PPM1L: variants seen among roughly 807,000 people sequenced by gnomAD.
PPM1L encodes the protein protein phosphatase, Mg2+/Mn2+ dependent 1L.
Under a neutral mutation model 31.4 loss-of-function variants are expected in PPM1L, and 13 were observed. That is an observed-to-expected ratio of 0.41 (90% CI 0.27 to 0.66). PPM1L has a LOEUF of 0.66. PPM1L is among the 30% of genes least tolerant of loss of function. The probability of loss-of-function intolerance (pLI) is 0.29; values close to 1 mark genes in which losing one functional copy is unlikely to be tolerated. For missense variants in PPM1L, 326 were observed against 453.7 expected (o/e 0.72, Z 2.56); for synonymous variants, 184 against 175.4 (o/e 1.05, Z -0.39).
At chr3:160,959,487 TA>T (rs1183690580) in intron 1 of PPM1L, among the ~76,000 whole-genome samples, 1 of 152,112 alleles carries the variant, frequency 6.6e-6, no homozygotes, top group Non-Finnish European at 1.5e-5. Flanking sequence ...AAGACAATTT[TA>T]AAAAATTACA....
At chr3:160,936,204 C>G (rs111333181) in intron 1 of PPM1L, among the ~76,000 whole-genome samples, 2 of 152,162 alleles carry the variant, frequency 1.3e-5, no homozygotes, top group African/African-American at 4.8e-5. Flanking sequence ...ATTCTCCTGC[C>G]TCAGCCTCCT....
chr3:160,785,070 G>A (rs1410794114), intron 1 of PPM1L, among the ~76,000 whole-genome samples: 1 of 152,122 alleles, frequency 6.6e-6, no homozygotes, highest in African/African-American at 2.4e-5. Context: ...TGGGGAGTGT[G>A]TTTAGTTTTA....
At chr3:160,943,184 C>T (rs1324901678) in intron 1 of PPM1L, among the ~76,000 whole-genome samples, 1 of 152,204 alleles carries the variant, frequency 6.6e-6, no homozygotes, top group Non-Finnish European at 1.5e-5. Context: ...GGGTAATGTG[C>T]TGTGGAAACC....
At chr3:160,888,438 C>T (rs1270795097) in intron 1 of PPM1L, among the ~76,000 whole-genome samples, 1 of 152,164 alleles carries the variant, frequency 6.6e-6, no homozygotes, top group Non-Finnish European at 1.5e-5. Context: ...TAAAGAAGGG[C>T]ATTACATAAT....
intron 2 of PPM1L, among the ~76,000 whole-genome samples, chr3:161,039,618 T>A (rs935635820): frequency 8.6e-5 from 13 of 151,866 alleles, no homozygotes; most frequent in Middle Eastern, 3.4e-3. Context: ...TGCCTCCCGG[T>A]TTCATGCCAT....
At chr3:160,757,393 CG>C (rs1714840973) in intron 1 of PPM1L, among the ~76,000 whole-genome samples, 1 of 152,264 alleles carries the variant, frequency 6.6e-6, no homozygotes, top group East Asian at 1.9e-4. Context: ...GCAAAGGAGG[CG>C]GTGCTTTGAC....
In PPM1L at chr3:160,944,773, ATATAT is replaced by A. The variant is rs1179643994; in HGVS notation, c.400-16952_400-16948del. Among the ~76,000 whole-genome samples, 54 of 68,876 alleles carry A rather than the reference ATATAT, an allele frequency of 7.8e-4. 6 individuals carry two copies. Among genetic ancestry groups the A allele is most frequent in the African/African-American group, 2.3e-3 (47 of 20,290 alleles). The allele number at this position is 68,876 out of a possible 152,430, so 45.2% of individuals were successfully genotyped here. ...ATATATATGTTATATATAACATGTT[ATATAT>A]TATATTATATATGTTATATATAACA... On this transcript the variant is annotated intron_variant, in intron 1 of 3. Coordinates refer to ENST00000498165, the MANE Select transcript of PPM1L (RefSeq NM_139245.4).
Position 160,756,609 on chromosome 3 carries a change from C to T in PPM1L, c.301C>T (p.Arg101Trp). 6.2e-7 allele frequency: 1 copy of T among 1,614,098 alleles called. No individual in the cohort carries two copies. Among genetic ancestry groups the T allele is most frequent in the Non-Finnish European group, 8.5e-7 (1 of 1,180,010 alleles). ...HNVAVYSIQG[R>W]RDHMEDRFEV... ...CGTGGCGGTGTACTCCATCCAGGGC[C>T]GGAGAGACCACATGGAGGACCGCTT... The change falls in exon 1 of 4, where the codon CGG becomes TGG. Residue 101 changes from arginine to tryptophan, a missense_variant. This residue lies in a region of PPM1L where 83 missense variants were observed against 79.4 expected (regional missense o/e 1.04). Transcript: ENST00000498165. This position sits in a 1 kb window ranked among gnomAD's most constrained non-coding sequence, Gnocchi z 6.2.
intron 1 of PPM1L, among the ~76,000 whole-genome samples, chr3:160,921,502 C>A (rs1216783873): frequency 6.6e-6 from 1 of 151,976 alleles, no homozygotes; most frequent in Non-Finnish European, 1.5e-5. Flanking sequence ...TTTCAAAGGG[C>A]CTTTGAATAA....
At chr3:160,934,003 G>A (rs1311150502) in intron 1 of PPM1L, among the ~76,000 whole-genome samples, 1 of 152,118 alleles carries the variant, frequency 6.6e-6, no homozygotes. Context: ...TTGTCCCCTT[G>A]TTTCTTTTAA....
At chr3:160,833,161 G>T (rs1381993904) in intron 1 of PPM1L, among the ~76,000 whole-genome samples, 1 of 152,142 alleles carries the variant, frequency 6.6e-6, no homozygotes, top group Non-Finnish European at 1.5e-5. Flanking sequence ...TCTTTATCCA[G>T]TCTATCATTG....
intron 1 of PPM1L, among the ~76,000 whole-genome samples, chr3:160,955,058 T>G (rs550647983): frequency 7.3e-5 from 11 of 151,470 alleles, no homozygotes; most frequent in Non-Finnish European, 1.5e-4. Flanking sequence ...GTCATCAGGC[T>G]GGAGTGCAAT....
intron 1 of PPM1L, among the ~76,000 whole-genome samples, chr3:160,769,421 T>C (rs1306829656): frequency 1.3e-5 from 2 of 152,136 alleles, no homozygotes; most frequent in Non-Finnish European, 2.9e-5. Flanking sequence ...GTCTTAGGGA[T>C]GGTTTTATTT....
intron 1 of PPM1L, among the ~76,000 whole-genome samples, chr3:160,910,243 T>TCCCCTTCC (rs565806443): frequency 3.5e-5 from 1 of 28,944 alleles, no homozygotes; most frequent in African/African-American, 1.7e-4. Context: ...CCTTCCCCTT[T>TCCCCTTCC]CCTTTCCCCT....
At chr3:160,809,539 G>A (rs577124287) in intron 1 of PPM1L, among the ~76,000 whole-genome samples, 21 of 152,160 alleles carry the variant, frequency 1.4e-4, no homozygotes, top group Non-Finnish European at 2.6e-4. Context: ...TGGTGCCCAC[G>A]GAGCCTCAGC....
intron 1 of PPM1L, among the ~76,000 whole-genome samples, chr3:160,945,035 A>G (rs1715347441): frequency 2.8e-5 from 1 of 36,262 alleles, no homozygotes; most frequent in East Asian, 3.2e-4. Flanking sequence ...ATAACTATAT[A>G]TAACATATAT....
chr3:160,959,694 A>C (rs1204387694), intron 1 of PPM1L, among the ~76,000 whole-genome samples: 5 of 152,062 alleles, frequency 3.3e-5, no homozygotes, highest in African/African-American at 9.7e-5. Flanking sequence ...TTAGCCGGGC[A>C]TGGTGGCAGG....
At chr3:160,885,770 C>T (rs1325916787) in intron 1 of PPM1L, among the ~76,000 whole-genome samples, 3 of 152,360 alleles carry the variant, frequency 2.0e-5, no homozygotes, top group South Asian at 4.1e-4. Context: ...AGGGTCCCAA[C>T]CCTGGAGCTG....
At chr3:160,892,817 T>G (rs1713202402) in intron 1 of PPM1L, among the ~76,000 whole-genome samples, 1 of 152,190 alleles carries the variant, frequency 6.6e-6, no homozygotes, top group South Asian at 2.1e-4. Flanking sequence ...TTAAAGATTT[T>G]ACTACTTGTT....
Sources: allele counts gnomAD v4.1 joint callset (sites outside exome capture counted in the v4.1 genomes callset), GRCh38; gene constraint gnomAD v4.1.1; regional missense constraint gnomAD v4.1.1; non-coding constraint Gnocchi (gnomAD v3.1); transcripts MANE v1.5; gene names NCBI Gene and HGNC (gene_info 2026-07-23, HGNC 2026-07-21).